SLC8A1: variants seen among roughly 807,000 people sequenced by gnomAD.
The protein encoded by SLC8A1 is solute carrier family 8 member A1.
Under a neutral mutation model 68.3 loss-of-function variants are expected in SLC8A1, and 18 were observed. The observed-to-expected ratio is 0.26, with a 90% CI of 0.18 to 0.39. The LOEUF is 0.39. SLC8A1 is among the 10% of genes least tolerant of loss of function. The pLI, the probability that SLC8A1 is intolerant of heterozygous loss-of-function variation, is 1.00. For missense variants in SLC8A1, 985 were observed against 1,156.7 expected, an observed-to-expected ratio of 0.85 and a Z score of 2.15; for synonymous variants, 475 against 415.5, an observed-to-expected ratio of 1.14 and a Z score of -1.74.
rs567513817 is a variant in SLC8A1, at chr2:40,405,149, A to G, written c.1808+23324T>C. ...GCAGAAGGGGAAAAGTGTCAGGGGAACATACTTCTTAATTCCCATAAGAAA... is the reference window on the plus strand; with the variant it reads ...GCAGAAGGGGAAAAGTGTCAGGGGAGCATACTTCTTAATTCCCATAAGAAA... On this transcript the variant is annotated intron_variant, in intron 2 of 7. Transcript: ENST00000406785. Among the ~76,000 whole-genome samples, 14 of 152,306 alleles carry G rather than the reference A, an allele frequency of 9.2e-5. No homozygotes were observed. In the East Asian group the frequency reaches 1.9e-3, roughly 21 times the overall value.
At chr2:40,252,131 T>C (rs1466227009) in intron 2 of SLC8A1, among the ~76,000 whole-genome samples, 2 of 152,154 alleles carry the variant, frequency 1.3e-5, no homozygotes, top group Admixed American at 6.5e-5. Context: ...ATCTCCAAAT[T>C]TTCTATAATG....
intron 2 of SLC8A1, among the ~76,000 whole-genome samples, chr2:40,363,222 C>T (rs1450687200): frequency 3.3e-5 from 5 of 152,020 alleles, no homozygotes; most frequent in Non-Finnish European, 5.9e-5. Context: ...ATTCAACATG[C>T]TTTATTTTTT....
intron 2 of SLC8A1, among the ~76,000 whole-genome samples, chr2:40,230,389 G>GCTT (rs889877210): frequency 5.9e-5 from 9 of 152,166 alleles, no homozygotes; most frequent in African/African-American, 2.2e-4. Flanking sequence ...TTCCATCAGT[G>GCTT]CTTCTTTATA....
chr2:40,374,786 T>C (rs1036353320), intron 2 of SLC8A1, among the ~76,000 whole-genome samples: 3 of 151,974 alleles, frequency 2.0e-5, no homozygotes, highest in Non-Finnish European at 4.4e-5. Flanking sequence ...TCCCACATGG[T>C]GATAATAAAC....
At chr2:40,247,851 T>C (rs2062100927) in intron 2 of SLC8A1, among the ~76,000 whole-genome samples, 1 of 152,172 alleles carries the variant, frequency 6.6e-6, no homozygotes, top group Admixed American at 6.5e-5. Flanking sequence ...AGGTAATTAA[T>C]TATAGAACAG....
chr2:40,164,837 A>G lies in SLC8A1; in HGVS notation c.2061+17T>C. 1 of 1,613,100 alleles carries G rather than the reference A, an allele frequency of 6.2e-7. No individual in the cohort carries two copies. The highest frequency in any genetic ancestry group is 8.5e-7 in the Non-Finnish European group (1 of 1,179,480). ...AAGGTGAGACTGGCTCCTGGTGGGC[A>G]GTGTTGGTGAGCATACCTTGAATTC... On this transcript the variant is annotated intron_variant, in intron 5 of 7. Transcript: ENST00000406785.
intron 1 of SLC8A1, among the ~76,000 whole-genome samples, chr2:40,463,478 C>T (rs1412027300): frequency 6.6e-6 from 1 of 152,142 alleles, no homozygotes; most frequent in Non-Finnish European, 1.5e-5. Flanking sequence ...AACAATTAGC[C>T]TTACAGTTAC....
intron 7 of SLC8A1, among the ~76,000 whole-genome samples, chr2:40,120,972 C>T (rs2125103847): frequency 6.6e-6 from 1 of 152,302 alleles, no homozygotes; most frequent in South Asian, 2.1e-4. Context: ...TTTGGGGCTT[C>T]ACCCCCAAGC....
intron 2 of SLC8A1, among the ~76,000 whole-genome samples, chr2:40,249,369 A>G (rs1296730001): frequency 6.6e-6 from 1 of 152,242 alleles, no homozygotes; most frequent in Admixed American, 6.5e-5. Context: ...TTTACTTTAA[A>G]AAAAGGATAG....
chr2:40,250,711 A>G (rs1390861435), intron 2 of SLC8A1, among the ~76,000 whole-genome samples: 1 of 152,176 alleles, frequency 6.6e-6, no homozygotes, highest in Non-Finnish European at 1.5e-5. Flanking sequence ...TCTCTCAATA[A>G]CCCACATTTA....
exon 8 of SLC8A1, chr2:40,101,179 G>A (rs2033869162): frequency 6.6e-6 from 1 of 152,056 alleles, no homozygotes; most frequent in Non-Finnish European, 1.5e-5. Context: ...CAATTCAAAT[G>A]AGAGACCCTA....
chr2:40,380,087 T>G (rs897003135), intron 2 of SLC8A1, among the ~76,000 whole-genome samples: 1 of 152,168 alleles, frequency 6.6e-6, no homozygotes. Flanking sequence ...CTTACTACAT[T>G]TAGCTTGATC....
intron 2 of SLC8A1, among the ~76,000 whole-genome samples, chr2:40,414,717 TATG>T (rs1693273459): frequency 6.6e-6 from 1 of 152,170 alleles, no homozygotes; most frequent in South Asian, 2.1e-4. Context: ...AATCAATAAA[TATG>T]ATTAATTTGC....
intron 2 of SLC8A1, among the ~76,000 whole-genome samples, chr2:40,376,001 AAAATAAAT>A (rs536218626): frequency 6.6e-6 from 1 of 152,026 alleles, no homozygotes; most frequent in Non-Finnish European, 1.5e-5. Flanking sequence ...ACCCTGTCTC[AAAATAAAT>A]AAATAAATAA....
chr2:40,507,014 AC>A (rs1706412708), intron 1 of SLC8A1, among the ~76,000 whole-genome samples: 1 of 152,042 alleles, frequency 6.6e-6, no homozygotes. Context: ...TAAATGCACA[AC>A]TCACAAAATT....
intron 2 of SLC8A1, among the ~76,000 whole-genome samples, chr2:40,290,880 C>A (rs956685499): frequency 4.0e-4 from 61 of 152,212 alleles, no homozygotes; most frequent in African/African-American, 1.4e-3. Context: ...AAAAACTGAA[C>A]AGAAAGTTTC....
rs572112355 is a variant in SLC8A1, at chr2:40,303,191, A to C, written c.1808+125282T>G. 7.3e-4 allele frequency among the ~76,000 whole-genome samples: 111 copies of C among 152,302 alleles called. 1 individual carries two copies. Among genetic ancestry groups the C allele is most frequent in the Middle Eastern group, 3.4e-3 (1 of 294 alleles). ...ACGCTGCTATGTTCATTCAATTTAA[A>C]AACCTTGAGCCATTCTAGGTTTTGA... On this transcript the variant is annotated intron_variant, in intron 2 of 7. Coordinates refer to ENST00000406785, the Ensembl canonical transcript of SLC8A1.
chr2:40,218,103 T>TTAG (rs1462433294), intron 2 of SLC8A1, among the ~76,000 whole-genome samples: 1 of 86,522 alleles, frequency 1.2e-5, no homozygotes, highest in Non-Finnish European at 2.8e-5. Context: ...TTACAGTTAG[T>TTAG]TTGTAAATCT....
chr2:40,350,513 A>G (rs569985388), intron 2 of SLC8A1, among the ~76,000 whole-genome samples: 1 of 149,418 alleles, frequency 6.7e-6, no homozygotes, highest in Non-Finnish European at 1.5e-5. Context: ...AATGGCATTT[A>G]TCAAATTACA....
Sources: gnomAD v4.1 joint callset for allele counts (sites outside exome capture counted in the v4.1 genomes callset) on GRCh38, gnomAD v4.1.1 for gene constraint, MANE v1.5 for transcripts, NCBI Gene and HGNC (gene_info 2026-07-23, HGNC 2026-07-21) for gene names.